Variants in DCC observed in about 807,000 individuals in gnomAD.
The protein encoded by DCC is DCC netrin 1 receptor.
Under a neutral mutation model 172.5 loss-of-function variants are expected in DCC, and 58 were observed. That is an observed-to-expected ratio of 0.34 (90% CI 0.27 to 0.42). The LOEUF is 0.42. Ranked by LOEUF, DCC falls within the 10% of genes least tolerant of loss-of-function variation. The pLI, the probability that DCC is intolerant of heterozygous loss-of-function variation, is 1.00. For synonymous variants in DCC, 709 were observed against 644.5 expected (o/e 1.10, Z -1.52); for missense variants, 1,740 against 1,791.0 (o/e 0.97, Z 0.51).
intron 1 of DCC, among the ~76,000 whole-genome samples, chr18:52,487,281 G>A (rs1160862682): frequency 6.6e-6 from 1 of 152,080 alleles, no homozygotes; most frequent in African/African-American, 2.4e-5. Context: ...AAACACAGAT[G>A]CAACTAGAAG....
intron 5 of DCC, chr18:52,940,910 G>T (rs886306959): frequency 1.3e-5 from 2 of 152,118 alleles, no homozygotes; most frequent in Admixed American, 1.3e-4. Flanking sequence ...TTTAGTACTT[G>T]GAGTAGAGTT....
At chr18:52,774,441 C>T (rs2037393536) in intron 2 of DCC, among the ~76,000 whole-genome samples, 1 of 152,226 alleles carries the variant, frequency 6.6e-6, no homozygotes, top group Non-Finnish European at 1.5e-5. Flanking sequence ...CTAATTCTAT[C>T]GCTGTAGCTA....
intron 7 of DCC, among the ~76,000 whole-genome samples, chr18:53,100,650 A>G (rs1405467932): frequency 6.6e-6 from 1 of 151,928 alleles, no homozygotes; most frequent in African/African-American, 2.4e-5. Context: ...GGGAAGAAAG[A>G]AAGGGAAAGC....
intron 1 of DCC, among the ~76,000 whole-genome samples, chr18:52,619,785 A>G (rs769181365): frequency 1.3e-5 from 2 of 152,226 alleles, no homozygotes; most frequent in African/African-American, 2.4e-5. Context: ...ACGTCAAGAA[A>G]GCAAGAAATG....
intron 2 of DCC, among the ~76,000 whole-genome samples, chr18:52,804,956 A>G (rs929384850): frequency 2.0e-5 from 3 of 152,214 alleles, no homozygotes; most frequent in South Asian, 2.1e-4. Context: ...GACAACAGAT[A>G]AAATACACAA....
intron 1 of DCC, among the ~76,000 whole-genome samples, chr18:52,729,300 C>T (rs1230826717): frequency 6.6e-6 from 1 of 152,116 alleles, no homozygotes; most frequent in Non-Finnish European, 1.5e-5. Flanking sequence ...TGCTCTGTCA[C>T]CCAGGCTGGA....
chr18:52,519,437 T>A (rs948895164), intron 1 of DCC, among the ~76,000 whole-genome samples: 1 of 152,166 alleles, frequency 6.6e-6, no homozygotes, highest in Non-Finnish European at 1.5e-5. Flanking sequence ...TAGATTTTGC[T>A]GATATAGGAG....
chr18:53,273,663 A>G (rs760521213), intron 12 of DCC, among the ~76,000 whole-genome samples: 8 of 151,282 alleles, frequency 5.3e-5, no homozygotes, highest in Non-Finnish European at 8.8e-5. Context: ...CATTGAAAAT[A>G]TTGTTCTTCT....
At chr18:53,356,485 G>T (rs1025689223) in intron 15 of DCC, among the ~76,000 whole-genome samples, 1 of 151,998 alleles carries the variant, frequency 6.6e-6, no homozygotes, top group African/African-American at 2.4e-5. Flanking sequence ...ACACCTTTTA[G>T]GTTTGCTTTT....
intron 1 of DCC, among the ~76,000 whole-genome samples, chr18:52,478,243 A>G (rs908946413): frequency 6.6e-6 from 1 of 152,202 alleles, no homozygotes; most frequent in African/African-American, 2.4e-5. Flanking sequence ...TGCCCTCAAT[A>G]GGAAGTATCC....
At chr18:53,009,565 CT>C (rs112501372) in intron 5 of DCC, among the ~76,000 whole-genome samples, 7,483 of 150,704 alleles carry the variant, frequency 0.05, 319 homozygotes, top group East Asian at 0.21. Flanking sequence ...AGTTAGGTGA[CT>C]TTTTTTTTAG....
intron 1 of DCC, among the ~76,000 whole-genome samples, chr18:52,561,698 C>T (rs2033043185): frequency 6.6e-6 from 1 of 152,090 alleles, no homozygotes. Flanking sequence ...AGAACTTCAT[C>T]CTTAGAGCTA....
intron 1 of DCC, among the ~76,000 whole-genome samples, chr18:52,435,272 C>CA (rs1405070125): frequency 3.9e-5 from 6 of 152,158 alleles, no homozygotes; most frequent in African/African-American, 1.4e-4. Flanking sequence ...AAGAAACTCC[C>CA]AGTCCCTCTT....
At chr18:53,013,952 G>A (rs2041769092) in intron 5 of DCC, among the ~76,000 whole-genome samples, 1 of 152,168 alleles carries the variant, frequency 6.6e-6, no homozygotes, top group Non-Finnish European at 1.5e-5. Context: ...TATACATGGT[G>A]AAGACTGTAC....
rs186403887 is a variant in DCC, at chr18:53,096,777, C to T, written c.1261+30611C>T. On this transcript the variant is annotated intron_variant, in intron 7 of 28. Coordinates refer to ENST00000442544, the MANE Select transcript of DCC (RefSeq NM_005215.4). ...AGAGTCTAAGCAATTGTTTAAAAAT[C>T]AGCTTGCAGTTTGTGATATGATAAT... 2.7e-4 allele frequency among the ~76,000 whole-genome samples: 41 copies of T among 152,102 alleles called. 1 individual carries two copies. The East Asian group carries it at 7.6e-3, about 28-fold the overall frequency.
chr18:52,383,993 C>T (rs112034957), intron 1 of DCC, among the ~76,000 whole-genome samples: 87 of 152,182 alleles, frequency 5.7e-4, no homozygotes, highest in African/African-American at 2.0e-3. Context: ...TCCCCTATCA[C>T]AATCACTTAT....
At chr18:52,830,195 C>T (rs1408311368) in intron 2 of DCC, among the ~76,000 whole-genome samples, 4 of 152,174 alleles carry the variant, frequency 2.6e-5, no homozygotes, top group South Asian at 2.1e-4. Context: ...GTCCAACTCG[C>T]GGCCCCATGG....
intron 23 of DCC, among the ~76,000 whole-genome samples, chr18:53,455,967 A>C (rs1225800172): frequency 6.6e-6 from 1 of 152,256 alleles, no homozygotes; most frequent in African/African-American, 2.4e-5. Flanking sequence ...TAAGTGTTGT[A>C]AAACAATGGA....
chr18:52,740,930 CAT>C (rs1338795076), intron 1 of DCC, among the ~76,000 whole-genome samples: 1 of 152,092 alleles, frequency 6.6e-6, no homozygotes, highest in African/African-American at 2.4e-5. Flanking sequence ...GGTGTGAACT[CAT>C]AGACTTTTAT....
Sources: gnomAD v4.1 joint callset for allele counts (sites outside exome capture counted in the v4.1 genomes callset) on GRCh38, gnomAD v4.1.1 for gene constraint, MANE v1.5 for transcripts, NCBI Gene and HGNC (gene_info 2026-07-23, HGNC 2026-07-21) for gene names.